The following CHIC1 variants were observed in gnomAD, a reference collection of about 807,000 sequenced individuals.
The protein encoded by CHIC1 is cysteine rich hydrophobic domain 1.
In CHIC1, 7 loss-of-function variants were observed where a neutral mutation model predicts 18.5. The ratio of observed to expected loss-of-function variants is 0.38; its 90% CI spans 0.22 to 0.71. CHIC1 has a LOEUF of 0.71. Among genes scored for constraint, CHIC1 ranks in the 30% least tolerant of loss-of-function variants. The pLI, the probability that CHIC1 is intolerant of heterozygous loss-of-function variation, is 0.49. For missense variants in CHIC1, 159 were observed against 176.9 expected (o/e 0.90, Z 0.57); for synonymous variants, 77 against 73.5 (o/e 1.05, Z -0.25).
rs375472667 is a variant in CHIC1, at chrX:73,641,980, C to T, written c.508-37346C>T. On this transcript the variant is annotated intron_variant, in intron 3 of 5. Coordinates refer to ENST00000373502, the MANE Select transcript of CHIC1 (RefSeq NM_001039840.4). ...TGTGAATAGTGCCACAATAAACATA[C>T]GTGTGCATGTGTCTTTAGAGCAGCA... Among the ~76,000 whole-genome samples, 16 of 111,527 alleles carry T rather than the reference C, an allele frequency of 1.4e-4. No individual in the cohort carries two copies. The East Asian group carries it at 3.4e-3, about 24-fold the overall frequency.
intron 3 of CHIC1, among the ~76,000 whole-genome samples, chrX:73,625,496 A>T (rs1207869146): frequency 2.7e-5 from 3 of 111,525 alleles, no homozygotes; most frequent in African/African-American, 9.8e-5. Flanking sequence ...TCAAAAGTTC[A>T]GGCAGCTGTT....
chrX:73,662,718 G>A (rs994223005), intron 3 of CHIC1, among the ~76,000 whole-genome samples: 3 of 109,670 alleles, frequency 2.7e-5, no homozygotes, highest in Non-Finnish European at 3.8e-5. Flanking sequence ...AAGTTAGTAT[G>A]TACCTGAGAT....
intron 2 of CHIC1, chrX:73,578,629 A>C (rs1465451519): frequency 1.8e-5 from 2 of 110,262 alleles, no homozygotes; most frequent in Non-Finnish European, 3.8e-5. Flanking sequence ...GAAAAGCAAA[A>C]TGAAAATCAC....
Position 73,584,450 on chromosome X carries a change from C to A in CHIC1, c.385C>A (p.Arg129Ser). 1 of 1,182,820 alleles carries A rather than the reference C, an allele frequency of 8.5e-7. No homozygotes were observed. The highest frequency in any genetic ancestry group is 1.1e-6 in the Non-Finnish European group (1 of 879,887). Residue 129 changes from arginine to serine, a missense_variant, in exon 3 of 6, where the codon CGT (arginine) becomes AGT (serine). Arg to Ser is a moderately radical substitution (Grantham distance 110). Transcript: ENST00000373502. The part of the protein sequence containing the change: ...APEEFKTSIG[R>S]VNACLKKALP... The stretch of plus-strand genomic sequence containing the variant: ...AGAAGAATTTAAAACCAGCATTGGC[C>A]GTGTGAATGCATGTTTGAAAAAGGC...
chrX:73,604,961 A>C (rs1049089046), intron 3 of CHIC1, among the ~76,000 whole-genome samples: 2 of 109,063 alleles, frequency 1.8e-5, no homozygotes, highest in Admixed American at 1.9e-4. Flanking sequence ...GGTGCTGAGA[A>C]AAATATATAT....
chrX:73,649,486 G>T (rs1444001401), intron 3 of CHIC1, among the ~76,000 whole-genome samples: 1 of 111,471 alleles, frequency 9.0e-6, no homozygotes, highest in Non-Finnish European at 1.9e-5. Context: ...TCAAAATAAA[G>T]GAATGGAGGA....
At chrX:73,603,095 A>G (rs1161161284) in intron 3 of CHIC1, among the ~76,000 whole-genome samples, 2 of 108,765 alleles carry the variant, frequency 1.8e-5, no homozygotes, top group Non-Finnish European at 3.8e-5. Flanking sequence ...TCTATAAATT[A>G]CTTCGGGCAG....
intron 3 of CHIC1, among the ~76,000 whole-genome samples, chrX:73,618,703 C>T (rs753938918): frequency 8.9e-6 from 1 of 112,307 alleles, no homozygotes; most frequent in South Asian, 3.7e-4. Context: ...TACCAGCCTC[C>T]TGGCTGCGAA....
intron 3 of CHIC1, among the ~76,000 whole-genome samples, chrX:73,622,268 A>G (rs911602281): frequency 8.9e-6 from 1 of 112,007 alleles, no homozygotes; most frequent in Non-Finnish European, 1.9e-5. Flanking sequence ...TTCAGAAGGC[A>G]TGGTACCAGC....
intron 3 of CHIC1, among the ~76,000 whole-genome samples, chrX:73,673,849 A>G (rs1052793530): frequency 1.8e-5 from 2 of 111,807 alleles, no homozygotes; most frequent in Non-Finnish European, 3.8e-5. Context: ...GAATGCTTCC[A>G]GTTTTTGCCC....
intron 3 of CHIC1, among the ~76,000 whole-genome samples, chrX:73,675,690 G>T (rs2058058255): frequency 1.8e-5 from 2 of 111,333 alleles, no homozygotes; most frequent in Admixed American, 9.5e-5. Context: ...TATCCAATTT[G>T]CCAGTCTGTG....
intron 3 of CHIC1, among the ~76,000 whole-genome samples, chrX:73,626,314 T>A (rs1185437195): frequency 9.0e-6 from 1 of 111,032 alleles, no homozygotes; most frequent in Non-Finnish European, 1.9e-5. Flanking sequence ...TTCTATAACT[T>A]TCTTGTACTT....
intron 3 of CHIC1, among the ~76,000 whole-genome samples, chrX:73,598,930 T>C (rs1212032731): frequency 9.3e-6 from 1 of 107,851 alleles, no homozygotes; most frequent in East Asian, 3.0e-4. Flanking sequence ...ATGGTTGAAC[T>C]AGTTTACAGT....
At chrX:73,597,614 C>T (rs1467950387) in intron 3 of CHIC1, among the ~76,000 whole-genome samples, 1 of 106,519 alleles carries the variant, frequency 9.4e-6, no homozygotes, top group African/African-American at 3.4e-5. Flanking sequence ...TACACACACA[C>T]ACACACATAT....
At chrX:73,638,879 G>A (rs983869649) in intron 3 of CHIC1, among the ~76,000 whole-genome samples, 4 of 112,010 alleles carry the variant, frequency 3.6e-5, no homozygotes, top group African/African-American at 1.3e-4. Flanking sequence ...TGGCTGCATA[G>A]TATTCCATGG....
intron 3 of CHIC1, among the ~76,000 whole-genome samples, chrX:73,590,395 T>C (rs973057438): frequency 2.7e-5 from 3 of 111,345 alleles, no homozygotes; most frequent in African/African-American, 9.8e-5. Flanking sequence ...AATACCAATT[T>C]CCCCTACTAT....
chrX:73,625,160 A>C (rs1016667726), intron 3 of CHIC1, among the ~76,000 whole-genome samples: 1 of 110,518 alleles, frequency 9.0e-6, no homozygotes, highest in Non-Finnish European at 1.9e-5. Flanking sequence ...TCAATTTTGC[A>C]AGTGGCCACC....
intron 3 of CHIC1, among the ~76,000 whole-genome samples, chrX:73,629,686 A>G (rs2057798621): frequency 8.9e-6 from 1 of 111,883 alleles, no homozygotes; most frequent in Non-Finnish European, 1.9e-5. Flanking sequence ...TGTTTTGATT[A>G]CTATAGCTTG....
chrX:73,577,174 G>A (rs1378552563), intron 1 of CHIC1, among the ~76,000 whole-genome samples: 1 of 110,036 alleles, frequency 9.1e-6, no homozygotes, highest in Non-Finnish European at 1.9e-5. Flanking sequence ...CATGAGTTGA[G>A]TTAGAATCCC....
Sources: gnomAD v4.1 joint callset for allele counts (sites outside exome capture counted in the v4.1 genomes callset) on GRCh38, gnomAD v4.1.1 for gene constraint, MANE v1.5 for transcripts, NCBI Gene and HGNC (gene_info 2026-07-23, HGNC 2026-07-21) for gene names.